The following SLC39A11 variants were observed in gnomAD, a reference collection of about 807,000 sequenced individuals.
SLC39A11 encodes the protein zinc transporter ZIP11.
Under a neutral mutation model 36.1 loss-of-function variants are expected in SLC39A11, and 33 were observed. That is an observed-to-expected ratio of 0.91 (90% CI 0.69 to 1.22). The LOEUF (loss-of-function observed/expected upper bound fraction) is 1.22. Among genes scored for constraint, SLC39A11 ranks in the 50% most tolerant of loss-of-function variants. The pLI is 0.00. For missense variants in SLC39A11, 432 were observed against 430.3 expected, an observed-to-expected ratio of 1.00 and a Z score of -0.03; for synonymous variants, 166 against 170.3, an observed-to-expected ratio of 0.97 and a Z score of 0.20.
At chr17:72,658,731 G>A (rs1237708331) in intron 7 of SLC39A11, among the ~76,000 whole-genome samples, 1 of 152,184 alleles carries the variant, frequency 6.6e-6, no homozygotes, top group Non-Finnish European at 1.5e-5. Context: ...AGGTGCACAG[G>A]TGGGACCCAG....
chr17:72,904,592 A>G (rs1359405445), intron 5 of SLC39A11, among the ~76,000 whole-genome samples: 1 of 152,104 alleles, frequency 6.6e-6, no homozygotes, highest in Non-Finnish European at 1.5e-5. Context: ...GTCCCAGAGC[A>G]CCCCAGGCCT....
chr17:72,656,749 C>A (rs974914313), intron 7 of SLC39A11, among the ~76,000 whole-genome samples: 1 of 152,116 alleles, frequency 6.6e-6, no homozygotes, highest in Non-Finnish European at 1.5e-5. Context: ...AGGGACAAAA[C>A]CAGAGAACCG....
chr17:72,901,528 C>G (rs1424430242), intron 5 of SLC39A11, among the ~76,000 whole-genome samples: 1 of 152,112 alleles, frequency 6.6e-6, no homozygotes, highest in East Asian at 1.9e-4. Context: ...GAAGGCAGAC[C>G]ACAGGAGAGA....
intron 6 of SLC39A11, among the ~76,000 whole-genome samples, chr17:72,754,140 T>C (rs2075279873): frequency 6.7e-6 from 1 of 149,560 alleles, no homozygotes; most frequent in Non-Finnish European, 1.5e-5. Context: ...TTAATGGCAT[T>C]TGCAGCAACC....
At chr17:72,730,282 G>T (rs6501560) in intron 7 of SLC39A11, among the ~76,000 whole-genome samples, 126,099 of 152,182 alleles carry the variant, frequency 0.83, 53,535 homozygotes, top group African/African-American at 0.93. Flanking sequence ...CGCAGCATCA[G>T]GATGTCATTC....
At chr17:73,017,340 C>T (rs2058201800) in intron 4 of SLC39A11, among the ~76,000 whole-genome samples, 1 of 152,150 alleles carries the variant, frequency 6.6e-6, no homozygotes, top group African/African-American at 2.4e-5. Context: ...GCACCACGTT[C>T]ACCTGAACAC....
intron 3 of SLC39A11, among the ~76,000 whole-genome samples, 163 bp from the exon 4 acceptor site, chr17:73,031,877 C>A (rs758049117): frequency 2.0e-5 from 3 of 152,262 alleles, no homozygotes; most frequent in Non-Finnish European, 1.5e-5. Context: ...AAAAGCCATC[C>A]CCAGAATTCC....
chr17:72,964,837 G>A (rs1286411730), intron 4 of SLC39A11, among the ~76,000 whole-genome samples: 1 of 152,158 alleles, frequency 6.6e-6, no homozygotes, highest in African/African-American at 2.4e-5. Context: ...CAATAGCAAC[G>A]ACTTGGAACC....
chr17:72,710,847 T>C (rs1315250443), intron 7 of SLC39A11, among the ~76,000 whole-genome samples: 1 of 152,226 alleles, frequency 6.6e-6, no homozygotes, highest in Non-Finnish European at 1.5e-5. Context: ...TTGCTGTCTT[T>C]ATTTTTAGCA....
intron 7 of SLC39A11, among the ~76,000 whole-genome samples, chr17:72,697,735 AC>A (rs1449356201): frequency 6.8e-6 from 1 of 147,442 alleles, no homozygotes; most frequent in Admixed American, 6.7e-5. Flanking sequence ...TCAGAGCAGA[AC>A]CCCCCACCCC....
chr17:72,682,587 ATT>A (rs1331839532), intron 7 of SLC39A11, among the ~76,000 whole-genome samples: 4 of 152,194 alleles, frequency 2.6e-5, no homozygotes, highest in African/African-American at 9.6e-5. Flanking sequence ...AGCACAGCTG[ATT>A]GTGGGCAAGA....
chr17:72,949,986 CACACACACA>C (rs1568006551), intron 4 of SLC39A11, among the ~76,000 whole-genome samples: 6 of 150,414 alleles, frequency 4.0e-5, no homozygotes, highest in South Asian at 4.2e-4. Context: ...CACACACACA[CACACACACA>C]CCCCTTCTTG....
At chr17:72,730,972 G>C (rs2074193038) in intron 7 of SLC39A11, among the ~76,000 whole-genome samples, 1 of 152,128 alleles carries the variant, frequency 6.6e-6, no homozygotes, top group South Asian at 2.1e-4. Flanking sequence ...GGCTGGTCTC[G>C]AACTCCTGAC....
chr17:72,883,782 A>G (rs1186596217), intron 5 of SLC39A11, among the ~76,000 whole-genome samples: 1 of 152,128 alleles, frequency 6.6e-6, no homozygotes, highest in East Asian at 1.9e-4. Context: ...AAGGGGATGC[A>G]ATCTGTATAA....
At chr17:72,667,224 C>G (rs1455997673) in intron 7 of SLC39A11, among the ~76,000 whole-genome samples, 1 of 152,140 alleles carries the variant, frequency 6.6e-6, no homozygotes, top group East Asian at 1.9e-4. Flanking sequence ...AAGTCTAGCC[C>G]TGGACCCTCA....
chr17:72,850,429 G>A (rs1164257804), intron 5 of SLC39A11, among the ~76,000 whole-genome samples: 2 of 151,348 alleles, frequency 1.3e-5, no homozygotes, highest in Non-Finnish European at 2.9e-5. Context: ...CCTCCAGCCT[G>A]GGTGACAGAG....
At chr17:72,903,741 T>C (rs1465913137) in intron 5 of SLC39A11, among the ~76,000 whole-genome samples, 7 of 152,152 alleles carry the variant, frequency 4.6e-5, no homozygotes, top group African/African-American at 1.4e-4. Context: ...TCGGGCTTGA[T>C]TGGTCTTTTT....
chr17:72,864,836 T>A (rs1193085458), intron 5 of SLC39A11, among the ~76,000 whole-genome samples: 2 of 152,136 alleles, frequency 1.3e-5, no homozygotes, highest in East Asian at 3.9e-4. Context: ...GTTATAAGTC[T>A]TGAAAAAGAT....
At chr17:72,831,776 T>C (rs1409051305) in intron 6 of SLC39A11, among the ~76,000 whole-genome samples, 1 of 152,264 alleles carries the variant, frequency 6.6e-6, no homozygotes, top group Non-Finnish European at 1.5e-5. Flanking sequence ...AAGAGAATTA[T>C]TAAGAAGAAG....
Sources: gnomAD v4.1 joint callset for allele counts (sites outside exome capture counted in the v4.1 genomes callset) on GRCh38, gnomAD v4.1.1 for gene constraint, MANE v1.5 for transcripts, NCBI Gene and HGNC (gene_info 2026-07-23, HGNC 2026-07-21) for gene names.